Variants in PLEKHG4B observed in about 807,000 individuals in gnomAD.
PLEKHG4B encodes the protein pleckstrin homology and RhoGEF domain containing G4B.
PLEKHG4B carries 111 observed loss-of-function variants against 121.3 expected under a neutral mutation model. The ratio of observed to expected loss-of-function variants is 0.92; its 90% CI spans 0.78 to 1.07. The LOEUF is 1.07. Among genes scored for constraint, PLEKHG4B ranks in the 50% least tolerant of loss-of-function variants. The pLI is 0.00. For synonymous variants in PLEKHG4B, 738 were observed against 725.0 expected (o/e 1.02, Z -0.29); for missense variants, 1,831 against 1,757.8 (o/e 1.04, Z -0.74).
Position 172,905 on chromosome 5 carries a change from G to A in PLEKHG4B, c.4059G>A (p.Leu1353=), listed in dbSNP as rs572280997. ...MDAIRGCDVN[L]KEQGQLRCRD... ...TGTGTGTTCCTCTGCAGGTGAATTT[G>A]AAGGAACAGGGGCAGCTGAGATGCC... Residue 1353 remains leucine, a synonymous_variant, in exon 17 of 20, where the codon TTG becomes TTA. Transcript: ENST00000637938. The A allele has an allele frequency of 7.4e-6, 12 of 1,614,182 alleles. No homozygotes were observed. In the South Asian group the frequency reaches 1.2e-4, roughly 16 times the overall value.
Position 161,862 on chromosome 5 carries a change from G to C in PLEKHG4B, c.2567G>C (p.Gly856Ala), listed in dbSNP as rs1239549845. ...GAAATGGTCCAGGATTTCAGAAGGG[G>C]CCTGAGCGCCGTGGTCAGCCAGGCT... ...TEEMVQDFRR[G>A]LSAVVSQAEC... Residue 856 changes from glycine (G) to alanine (A), a missense_variant, in exon 12 of 20, where the codon GGC becomes GCC. Gly to Ala is a moderately conservative substitution (Grantham distance 60, BLOSUM62 0). Transcript: ENST00000637938. 1 of 1,613,864 alleles carries C rather than the reference G, an allele frequency of 6.2e-7. No individual in the cohort carries two copies. The highest frequency in any genetic ancestry group is 2.2e-5 in the East Asian group (1 of 44,870).
At chr5:134,102 T>C (rs1440196235) in intron 2 of PLEKHG4B, among the ~76,000 whole-genome samples, 3 of 127,984 alleles carry the variant, frequency 2.3e-5, no homozygotes, top group Non-Finnish European at 5.0e-5. Context: ...TATATATATA[T>C]ATATATATAT....
In PLEKHG4B at chr5:101,556, A is replaced by G. The variant is rs554128028; in HGVS notation, c.45+9280A>G. Among the ~76,000 whole-genome samples the G allele has an allele frequency of 1.1e-3, 138 of 128,354 alleles. 10 individuals are homozygous for G. The highest frequency in any genetic ancestry group is 4.8e-3 in the African/African-American group (126 of 26,252). The allele number at this position is 128,354 out of a possible 152,430, so 84.2% of individuals were successfully genotyped here. A position where few individuals can be genotyped will look rare whatever the true frequency, so the allele number is the denominator to read the frequency against. ...GAGGTTAATCCATATAAAGCTCTGG[A>G]AAAAGTCTGTAGGGGAGAGACTGTT... On this transcript the variant is annotated intron_variant, in intron 1 of 19. Transcript: ENST00000637938.
chr5:134,777 A>AAG (rs1553984985), intron 2 of PLEKHG4B, among the ~76,000 whole-genome samples: 36 of 147,378 alleles, frequency 2.4e-4, no homozygotes, highest in Middle Eastern at 3.5e-3. Context: ...AAAAAAAAAA[A>AAG]AAAAGAAAAG....
intron 8 of PLEKHG4B, 40 bp downstream of exon 8, chr5:155,031 TG>T: frequency 6.6e-7 from 1 of 1,506,078 alleles, no homozygotes; most frequent in Non-Finnish European, 9.2e-7. Context: ...CGACAGTCTC[TG>T]GGGACTTTCT....
rs554584484 is a variant in PLEKHG4B, at chr5:111,397, T to A, written c.46-1854T>A. Among the ~76,000 whole-genome samples, 20 of 152,360 alleles carry A rather than the reference T, an allele frequency of 1.3e-4. No individual in the cohort carries two copies. The East Asian group carries it at 3.5e-3, about 27-fold the overall frequency. On this transcript the variant is annotated intron_variant, in intron 1 of 19. Transcript: ENST00000637938. ...GAGTGGAGCATGGGGCCTGCCCCAG[T>A]CACCATGGAATCAGGCAGAGGTAGG...
Position 185,547 on chromosome 5 carries a change from C to G in PLEKHG4B, c.*3224C>G, listed in dbSNP as rs1733599909. 1 of 152,286 alleles carries G rather than the reference C, an allele frequency of 6.6e-6. No homozygotes were observed. The highest frequency in any genetic ancestry group is 1.5e-5 in the Non-Finnish European group (1 of 68,080). 9.4% of individuals were successfully genotyped at this position (152,286 alleles called of 1,614,324 possible). On this transcript the variant is annotated 3_prime_UTR_variant, in exon 20 of 20. Coordinates refer to ENST00000637938, the MANE Select transcript of PLEKHG4B (RefSeq NM_052909.5). ...GGCTCTAGCCACACTCTGGCACTGC[C>G]TGGGACAGGTGCCCTCAGGAACCCA...
chr5:105,829 T>A (rs1169096782), intron 1 of PLEKHG4B, among the ~76,000 whole-genome samples: 1 of 152,178 alleles, frequency 6.6e-6, no homozygotes, highest in Admixed American at 6.5e-5. Context: ...ATGGTTGTTA[T>A]CAACTGCTCT....
At chr5:142,641 C>G (rs991631812) in intron 3 of PLEKHG4B, among the ~76,000 whole-genome samples, 4 of 152,022 alleles carry the variant, frequency 2.6e-5, no homozygotes, top group Non-Finnish European at 4.4e-5. Context: ...ATCACACAAA[C>G]ACAGTAACAC....
chr5:155,408 T>C lies in PLEKHG4B; in HGVS notation c.2173T>C (p.Ser725Pro). The C allele has an allele frequency of 6.2e-7, 1 of 1,614,182 alleles. No individual in the cohort carries two copies. The highest frequency in any genetic ancestry group is 8.5e-7 in the Non-Finnish European group (1 of 1,180,018). The change falls in exon 9 of 20, where the codon TCC becomes CCC. Residue 725 changes from serine (S) to proline (P), a missense_variant. Physicochemically the swap from Ser to Pro is moderately conservative, Grantham distance 74. Transcript: ENST00000637938. ...CATTTTCCTACAGAATTCATTCTGC[T>C]CCCTGAACACCCACAGAACCCCAAG... is the stretch of plus-strand genomic sequence containing the variant. ...AIIFLQNSFC[S>P]LNTHRTPRTA...
intron 2 of PLEKHG4B, among the ~76,000 whole-genome samples, chr5:134,179 C>G (rs1482049214): frequency 7.1e-6 from 1 of 140,900 alleles, no homozygotes; most frequent in Non-Finnish European, 1.5e-5. Flanking sequence ...TTGCAGCAAC[C>G]TGGATGGAAG....
chr5:111,654 G>A (rs550113706), intron 1 of PLEKHG4B, among the ~76,000 whole-genome samples: 47 of 152,254 alleles, frequency 3.1e-4, no homozygotes, highest in African/African-American at 9.9e-4. Flanking sequence ...CGTCTCTCCC[G>A]GGGATGGCCC....
chr5:139,563 C>G lies in PLEKHG4B; in HGVS notation c.324C>G (p.Ser108=), dbSNP rs547790229. 1 of 399,022 alleles carries G rather than the reference C, an allele frequency of 2.5e-6. No homozygotes were observed. Among genetic ancestry groups the G allele is most frequent in the South Asian group, 1.3e-4 (1 of 7,858 alleles). The allele number at this position is 399,022 out of a possible 1,614,324, so 24.7% of individuals were successfully genotyped here. The part of the protein sequence containing the change: ...AHEKVVVQLA[S]LHGVRLQPGD... ...AGAAGGTGGTGGTGCAGCTGGCGTCCCTGCACGGAGTCAGGCTCCAGCCCG... is the reference window on the plus strand; with the variant it reads ...AGAAGGTGGTGGTGCAGCTGGCGTCGCTGCACGGAGTCAGGCTCCAGCCCG... Residue 108 remains serine (S), a synonymous_variant, in exon 3 of 20, where the codon TCC becomes TCG. Coordinates refer to ENST00000637938, the MANE Select transcript of PLEKHG4B (RefSeq NM_052909.5). The surrounding 1 kb of genome is among the most constrained non-coding windows in gnomAD (Gnocchi z 5.0).
chr5:162,868 C>T lies in PLEKHG4B; in HGVS notation c.2796C>T (p.Ala932=), dbSNP rs1736072101. Residue 932 remains alanine (A), a synonymous_variant, in exon 13 of 20, where the codon GCC becomes GCT. Transcript: ENST00000637938. ...GAGVAVLKPH[A]LGKPWASQQD... ...GTGTGGCAGTGCTGAAGCCTCATGC[C>T]CTGGGGAAACCGTGGGCATCACAGC... 6.6e-7 allele frequency: 1 copy of T among 1,519,270 alleles called. No homozygotes were observed. Among genetic ancestry groups the T allele is most frequent in the East Asian group, 2.4e-5 (1 of 42,460 alleles). The allele number at this position is 1,519,270 out of a possible 1,614,324, so 94.1% of individuals were successfully genotyped here. A position where few individuals can be genotyped will look rare whatever the true frequency, so the allele number is the denominator to read the frequency against.
chr5:111,437 G>A (rs1734153889), intron 1 of PLEKHG4B, among the ~76,000 whole-genome samples: 4 of 152,254 alleles, frequency 2.6e-5, no homozygotes, highest in Admixed American at 2.6e-4. Flanking sequence ...GGGCTTGACA[G>A]CGCAGTGCAC....
intron 7 of PLEKHG4B, 72 bp downstream of exon 7, chr5:151,671 C>T: frequency 1.0e-6 from 1 of 995,744 alleles, no homozygotes; most frequent in East Asian, 2.5e-5. Flanking sequence ...TGAGATGAAA[C>T]ACATGAAGGA....
At position 137,254 on chromosome 5, in the gene PLEKHG4B, G is replaced by A. The variant is rs1433070175; in HGVS notation, c.244-2229G>A. ...GGAATGGTGGGTGCCAGGGGCTCAG[G>A]GGCAGGGGAATGGTGAGCTGGTGTT... On this transcript the variant is annotated intron_variant, in intron 2 of 19. Coordinates refer to ENST00000637938, the MANE Select transcript of PLEKHG4B (RefSeq NM_052909.5). The surrounding 1 kb of genome is among the most constrained non-coding windows in gnomAD (Gnocchi z 4.2). Among the ~76,000 whole-genome samples the A allele has an allele frequency of 2.0e-5, 3 of 152,158 alleles. No individual in the cohort carries two copies. The highest frequency in any genetic ancestry group is 7.2e-5 in the African/African-American group (3 of 41,446).
At position 137,104 on chromosome 5, in the gene PLEKHG4B, C is replaced by T. The variant is rs1028334857; in HGVS notation, c.244-2379C>T. Among the ~76,000 whole-genome samples, 2 of 152,182 alleles carry T rather than the reference C, an allele frequency of 1.3e-5. No individual in the cohort carries two copies. The highest frequency in any genetic ancestry group is 2.4e-5 in the African/African-American group (1 of 41,434). On this transcript the variant is annotated intron_variant, in intron 2 of 19. Transcript: ENST00000637938. The surrounding 1 kb of genome is among the most constrained non-coding windows in gnomAD (Gnocchi z 4.2). Reference sequence around the variant, plus strand: ...CCTCAGAAGGAGTGCAGTTCCAACACGTGCCACATGTGGCATGGATAGACC... The same window carrying T: ...CCTCAGAAGGAGTGCAGTTCCAACATGTGCCACATGTGGCATGGATAGACC...
chr5:128,167 C>T (rs2126377735), intron 2 of PLEKHG4B, among the ~76,000 whole-genome samples: 1 of 152,228 alleles, frequency 6.6e-6, no homozygotes, highest in Admixed American at 6.5e-5. Flanking sequence ...ACTGGGAGGG[C>T]CCGGAAGAAA....
Sources: gnomAD v4.1 joint callset for allele counts (sites outside exome capture counted in the v4.1 genomes callset) on GRCh38, gnomAD v4.1.1 for gene constraint, Gnocchi (gnomAD v3.1) non-coding constraint, MANE v1.5 for transcripts, NCBI Gene and HGNC (gene_info 2026-07-23, HGNC 2026-07-21) for gene names.